The following STARD10 variants were observed in gnomAD, a reference collection of about 807,000 sequenced individuals.
STARD10 encodes the protein START domain-containing protein 10.
A neutral mutation model predicts 36.0 loss-of-function variants in STARD10; 24 were observed. The ratio of observed to expected loss-of-function variants is 0.67; its 90% CI spans 0.48 to 0.94. STARD10 has a LOEUF of 0.94. Among genes scored for constraint, STARD10 ranks in the 40% least tolerant of loss-of-function variants. The pLI, the probability that STARD10 is intolerant of heterozygous loss-of-function variation, is 0.00. For synonymous variants in STARD10, 156 were observed against 161.9 expected, an observed-to-expected ratio of 0.96 and a Z score of 0.28; for missense variants, 335 against 396.6, an observed-to-expected ratio of 0.84 and a Z score of 1.32.
Position 72,755,728 on chromosome 11 carries a change from A to G in STARD10, c.603T>C (p.Asn201=), listed in dbSNP as rs749138010. The change falls in exon 6 of 7, where the codon AAT becomes AAC. Residue 201 remains asparagine (N), a synonymous_variant. Coordinates refer to ENST00000334805, the MANE Select transcript of STARD10 (RefSeq NM_006645.3). ...PKGSLPKWVV[N]KSSQFLAPKA... Reference sequence around the variant, plus strand: ...TGGGAGCCAGGAACTGAGAAGATTTATTCACCACCCACTTGGGTAAGGAGC... The same window carrying G: ...TGGGAGCCAGGAACTGAGAAGATTTGTTCACCACCCACTTGGGTAAGGAGC... The G allele has an allele frequency of 6.2e-7, 1 of 1,613,664 alleles. No homozygotes were observed. The highest frequency in any genetic ancestry group is 1.1e-5 in the South Asian group (1 of 91,060).
At chr11:72,759,088 G>T in intron 3 of STARD10, 146 bp downstream of exon 3, 1 of 897,518 alleles carries the variant, frequency 1.1e-6, no homozygotes. Context: ...GAGTGGACAG[G>T]GAGGGCAGCT....
At chr11:72,779,109 G>T (rs1362678013) in intron 2 of STARD10, among the ~76,000 whole-genome samples, 1 of 152,172 alleles carries the variant, frequency 6.6e-6, no homozygotes, top group Non-Finnish European at 1.5e-5. Context: ...GGGAGTACTG[G>T]CCTCAGTTCA....
At chr11:72,780,527 G>A (rs910040727) in intron 2 of STARD10, 6 of 367,562 alleles carry the variant, frequency 1.6e-5, no homozygotes, top group South Asian at 2.0e-5. Flanking sequence ...CGGGTCCTGG[G>A]CAACCCAGGG....
chr11:72,759,116 A>C, intron 3 of STARD10, 118 bp downstream of exon 3: 2 of 1,284,954 alleles, frequency 1.6e-6, no homozygotes, highest in Non-Finnish European at 2.2e-6. Flanking sequence ...TCAGCACTCA[A>C]GTCTCCGAGC....
intron 2 of STARD10, among the ~76,000 whole-genome samples, chr11:72,762,026 A>T (rs1241314711): frequency 1.4e-5 from 2 of 145,598 alleles, no homozygotes; most frequent in Non-Finnish European, 3.0e-5. Flanking sequence ...CCCGGGTTCA[A>T]GTGATTCTTC....
chr11:72,791,221 C>G (rs902091745), intron 1 of STARD10, among the ~76,000 whole-genome samples: 1 of 152,180 alleles, frequency 6.6e-6, no homozygotes, highest in Non-Finnish European at 1.5e-5. Context: ...TCTTAAATCA[C>G]TGGGAGGGCT....
intron 1 of STARD10, among the ~76,000 whole-genome samples, chr11:72,789,617 C>T (rs904147889): frequency 7.9e-5 from 12 of 152,220 alleles, no homozygotes; most frequent in African/African-American, 2.7e-4. Flanking sequence ...CAGAGGGCAG[C>T]ATGGCACTGA....
In STARD10 at chr11:72,757,644, G is replaced by A. The variant is rs887203978; in HGVS notation, c.577+123C>T. The A allele has an allele frequency of 1.9e-5, 16 of 838,210 alleles. No individual in the cohort carries two copies. In the African/African-American group the frequency reaches 2.6e-4, roughly 13 times the overall value. 51.9% of individuals were successfully genotyped at this position (838,210 alleles called of 1,614,324 possible). A position where few individuals can be genotyped will look rare whatever the true frequency, so the allele number is the denominator to read the frequency against. ...CCTTGGTTCAAGGAAGGCTTTGGAT[G>A]GAAATGCCCCAAAATGCAAAACAGC... On this transcript the variant is annotated intron_variant, in intron 5 of 6. Coordinates refer to ENST00000334805, the MANE Select transcript of STARD10 (RefSeq NM_006645.3).
intron 2 of STARD10, among the ~76,000 whole-genome samples, chr11:72,766,293 T>C (rs897509859): frequency 6.6e-6 from 1 of 152,170 alleles, no homozygotes; most frequent in Admixed American, 6.5e-5. Flanking sequence ...GCCTGCTGTG[T>C]GCCAGACCTG....
At chr11:72,759,162 G>A in intron 3 of STARD10, 72 bp downstream of exon 3, 1 of 1,560,192 alleles carries the variant, frequency 6.4e-7, no homozygotes, top group Non-Finnish European at 8.7e-7. Context: ...GAGGGAGGGG[G>A]GAAGAGGAGG....
At chr11:72,768,109 C>T (rs1213338412) in intron 2 of STARD10, among the ~76,000 whole-genome samples, 1 of 152,236 alleles carries the variant, frequency 6.6e-6, no homozygotes, top group Non-Finnish European at 1.5e-5. Context: ...AGCTCTCTCA[C>T]ACCCCACACA....
chr11:72,788,087 T>C (rs1294179113), intron 1 of STARD10, among the ~76,000 whole-genome samples: 1 of 152,178 alleles, frequency 6.6e-6, no homozygotes, highest in Non-Finnish European at 1.5e-5. Context: ...GCCTGAGTGC[T>C]GTGGGCCTGC....
intron 2 of STARD10, among the ~76,000 whole-genome samples, chr11:72,768,079 T>A (rs1387888464): frequency 6.6e-6 from 1 of 152,068 alleles, no homozygotes; most frequent in Non-Finnish European, 1.5e-5. Flanking sequence ...ACAGCGTGAG[T>A]GCACAGCGAG....
intron 1 of STARD10, among the ~76,000 whole-genome samples, chr11:72,784,363 G>T (rs529398810): frequency 6.6e-6 from 1 of 152,126 alleles, no homozygotes; most frequent in Non-Finnish European, 1.5e-5. Flanking sequence ...ACCAGAAGCC[G>T]GTGACAGGCC....
chr11:72,770,818 C>G (rs572529635), intron 2 of STARD10, among the ~76,000 whole-genome samples: 1 of 152,232 alleles, frequency 6.6e-6, no homozygotes, highest in African/African-American at 2.4e-5. Context: ...GGGGAAGGGG[C>G]TCCCGGCAGA....
intron 4 of STARD10, 126 bp from the exon 5 acceptor site, chr11:72,758,010 C>T: frequency 1.2e-6 from 1 of 850,168 alleles, no homozygotes; most frequent in Non-Finnish European, 2.0e-6. Flanking sequence ...ACATCTGTTA[C>T]AGATCAGTCC....
chr11:72,764,065 C>G (rs1858753844), intron 2 of STARD10, among the ~76,000 whole-genome samples: 1 of 152,192 alleles, frequency 6.6e-6, no homozygotes, highest in Non-Finnish European at 1.5e-5. Flanking sequence ...AATTTGGATG[C>G]TAGTTGGCTC....
chr11:72,778,576 G>C (rs938765298), intron 2 of STARD10, among the ~76,000 whole-genome samples: 1 of 152,310 alleles, frequency 6.6e-6, no homozygotes, highest in Admixed American at 6.5e-5. Flanking sequence ...CCTCCTTCCT[G>C]GGTCTGGGCT....
intron 2 of STARD10, among the ~76,000 whole-genome samples, chr11:72,772,259 T>TAGCCAC (rs1476044341): frequency 1.3e-5 from 2 of 150,438 alleles, no homozygotes; most frequent in Non-Finnish European, 3.0e-5. Flanking sequence ...GGTGCTGCCA[T>TAGCCAC]AGTGGGCACG....
Sources: gnomAD v4.1 joint callset for allele counts (sites outside exome capture counted in the v4.1 genomes callset) on GRCh38, gnomAD v4.1.1 for gene constraint, MANE v1.5 for transcripts, NCBI Gene and HGNC (gene_info 2026-07-23, HGNC 2026-07-21) for gene names.